CNTNAP3: variants seen among roughly 807,000 people sequenced by gnomAD.
CNTNAP3 encodes the protein contactin-associated protein-like 3.
In CNTNAP3, 36 loss-of-function variants were observed where a neutral mutation model predicts 92.1. The ratio of observed to expected loss-of-function variants is 0.39; its 90% CI spans 0.30 to 0.52. The LOEUF is 0.52. CNTNAP3 is among the 20% of genes least tolerant of loss of function. The pLI is 0.76. For missense variants in CNTNAP3, 534 were observed against 1,069.6 expected (o/e 0.50, Z 6.98); for synonymous variants, 232 against 422.3 (o/e 0.55, Z 5.53).
In CNTNAP3 at chr9:39,068,856, C is replaced by T. The variant is rs1412391941; in HGVS notation, c.*5034G>A. On this transcript the variant is annotated 3_prime_UTR_variant, in exon 24 of 24. Transcript: ENST00000297668. ...TTCCTGTCTTTCAGGGATTACATTC[C>T]GTGCCTCATGTCCAGTGTACTGAAA... Among the ~76,000 whole-genome samples the T allele has an allele frequency of 1.3e-5, 2 of 152,424 alleles. No individual in the cohort carries two copies. Among genetic ancestry groups the T allele is most frequent in the South Asian group, 2.1e-4 (1 of 4,834 alleles).
chr9:39,098,143 T>C (rs1564072071), intron 18 of CNTNAP3, among the ~76,000 whole-genome samples: 2 of 146,624 alleles, frequency 1.4e-5, no homozygotes, highest in Non-Finnish European at 3.0e-5. Context: ...AAATTTACTG[T>C]CTGGATAGAA....
At chr9:39,086,514 A>C (rs1399593334) in intron 20 of CNTNAP3, 3 of 698,304 alleles carry the variant, frequency 4.3e-6, no homozygotes, top group South Asian at 2.8e-5. Context: ...TTGCATTGCT[A>C]AACAAACAAA....
chr9:39,086,218 C>T lies in CNTNAP3; in HGVS notation c.3355-395G>A, dbSNP rs143223935. ...ATACAGTATATTTTCCTTCCAATGC[C>T]GATGACAATGTGTAATTTACTTCCT... On this transcript the variant is annotated intron_variant, in intron 20 of 23. Transcript: ENST00000297668. 866 of 257,206 alleles carry T rather than the reference C, an allele frequency of 3.4e-3. 7 individuals are homozygous for T. The highest frequency in any genetic ancestry group is 0.018 in the African/African-American group (796 of 43,942). The allele number at this position is 257,206 out of a possible 1,614,324, so 15.9% of individuals were successfully genotyped here. A position where few individuals can be genotyped will look rare whatever the true frequency, so the allele number is the denominator to read the frequency against.
Position 39,279,493 on chromosome 9 carries a change from C to T in CNTNAP3, c.85+8487G>A, listed in dbSNP as rs1330569429. On this transcript the variant is annotated intron_variant, in intron 1 of 23. Coordinates refer to ENST00000297668, the MANE Select transcript of CNTNAP3 (RefSeq NM_033655.5). ...TCATGCTGCTATAAAGACACATGCACACGTATGTTTATTGCAGCACTATTC... is the reference window on the plus strand; with the variant it reads ...TCATGCTGCTATAAAGACACATGCATACGTATGTTTATTGCAGCACTATTC... Among the ~76,000 whole-genome samples, 4 of 4,982 alleles carry T rather than the reference C, an allele frequency of 8.0e-4. 2 individuals carry two copies. Among genetic ancestry groups the T allele is most frequent in the Admixed American group, 9.7e-3 (2 of 206 alleles). 3.3% of individuals were successfully genotyped at this position (4,982 alleles called of 152,430 possible). A position where few individuals can be genotyped will look rare whatever the true frequency, so the allele number is the denominator to read the frequency against.
intron 13 of CNTNAP3, among the ~76,000 whole-genome samples, chr9:39,119,309 C>G (rs993050412): frequency 2.7e-5 from 4 of 146,374 alleles, no homozygotes; most frequent in Non-Finnish European, 5.9e-5. Context: ...TAGATAAGAT[C>G]TCTGCATTCA....
At chr9:39,105,726 G>A (rs1033361126) in intron 15 of CNTNAP3, among the ~76,000 whole-genome samples, 21 of 151,934 alleles carry the variant, frequency 1.4e-4, no homozygotes, top group Non-Finnish European at 1.5e-5. Flanking sequence ...TCAAGGAGTC[G>A]TGGTTTCTTT....
chr9:39,109,236 C>A lies in CNTNAP3; in HGVS notation c.2289G>T (p.Gln763His). 6.2e-7 allele frequency: 1 copy of A among 1,612,778 alleles called. No individual in the cohort carries two copies. The highest frequency in any genetic ancestry group is 8.5e-7 in the Non-Finnish European group (1 of 1,179,798). ...GTCGGCCTGCGTCTGTCATCACAAT[C>A]TGAGTGACTGGCAGGTGCTCCTTTT... ...LSQKEHLPVT[Q>H]IVMTDAGRPH... Residue 763 changes from glutamine (Q) to histidine (H), a missense_variant, in exon 15 of 24, where the codon CAG (glutamine) becomes CAT (histidine). Coordinates refer to ENST00000297668, the MANE Select transcript of CNTNAP3 (RefSeq NM_033655.5).
chr9:39,115,334 C>T (rs936263766), intron 14 of CNTNAP3, among the ~76,000 whole-genome samples: 2 of 151,892 alleles, frequency 1.3e-5, no homozygotes, highest in Non-Finnish European at 2.9e-5. Context: ...GTAATAAAGA[C>T]TAAGATTTAT....
intron 14 of CNTNAP3, among the ~76,000 whole-genome samples, chr9:39,113,511 T>A (rs1468563029): frequency 2.6e-5 from 4 of 151,600 alleles, no homozygotes; most frequent in Non-Finnish European, 4.4e-5. Context: ...TTTTTCCTGA[T>A]ATTTCTTTAT....
At chr9:39,097,732 G>A (rs1270833269) in intron 18 of CNTNAP3, among the ~76,000 whole-genome samples, 3 of 144,608 alleles carry the variant, frequency 2.1e-5, no homozygotes, top group South Asian at 2.3e-4. Flanking sequence ...TGGAGCTTCC[G>A]TCATACTGAG....
intron 10 of CNTNAP3, among the ~76,000 whole-genome samples, chr9:39,147,431 C>T (rs1821729740): frequency 6.6e-6 from 1 of 152,084 alleles, no homozygotes; most frequent in African/African-American, 2.4e-5. Context: ...TTTTGTGTCC[C>T]CAAAGTTTTC....
intron 13 of CNTNAP3, among the ~76,000 whole-genome samples, chr9:39,121,639 A>C (rs553331763): frequency 3.9e-5 from 6 of 152,262 alleles, no homozygotes; most frequent in Non-Finnish European, 8.8e-5. Flanking sequence ...ATTGATGGAT[A>C]CTGAGCAAGG....
chr9:39,083,322 AT>A (rs766996541), intron 21 of CNTNAP3, among the ~76,000 whole-genome samples: 116 of 151,960 alleles, frequency 7.6e-4, no homozygotes, highest in Non-Finnish European at 1.2e-3. Flanking sequence ...GGCATCTTCC[AT>A]TTTTGCACTC....
At position 39,065,804 on chromosome 9, in the gene CNTNAP3, T is replaced by C. The variant is rs1278063791; in HGVS notation, c.*8086A>G. Among the ~76,000 whole-genome samples the C allele has an allele frequency of 6.6e-6, 1 of 152,202 alleles. No individual in the cohort carries two copies. Among genetic ancestry groups the C allele is most frequent in the Non-Finnish European group, 1.5e-5 (1 of 68,028 alleles). On this transcript the variant is annotated 3_prime_UTR_variant, in exon 24 of 24. Coordinates refer to ENST00000297668, the MANE Select transcript of CNTNAP3 (RefSeq NM_033655.5). ...TCTTATATTCATTATTTTCATTTTA[T>C]TTTTGCTAATTATTGAGTTGTTAAG...
intron 18 of CNTNAP3, among the ~76,000 whole-genome samples, chr9:39,098,616 CT>C (rs1826379862): frequency 6.6e-6 from 1 of 152,272 alleles, no homozygotes; most frequent in South Asian, 2.1e-4. Context: ...GGAGTGGTTA[CT>C]CCTGATGTTG....
intron 10 of CNTNAP3, among the ~76,000 whole-genome samples, chr9:39,147,588 C>G (rs1405937350): frequency 1.3e-5 from 2 of 152,106 alleles, no homozygotes; most frequent in African/African-American, 2.4e-5. Flanking sequence ...TCTTAAAACC[C>G]TTATCTGCAA....
At position 39,109,167 on chromosome 9, in the gene CNTNAP3, G is replaced by A. The variant is rs369254131; in HGVS notation, c.2358C>T (p.Arg786=). The A allele has an allele frequency of 1.5e-5, 24 of 1,612,388 alleles. No homozygotes were observed. Among genetic ancestry groups the A allele is most frequent in the Non-Finnish European group, 1.7e-5 (20 of 1,179,642 alleles). The change falls in exon 15 of 24, where the codon CGC becomes CGT. Residue 786 remains arginine (R), a synonymous_variant. Transcript: ENST00000297668. ...AAYTLGPLLC[R]GDQSFWNSAS... is the part of the protein sequence containing the mutation. Reference sequence around the variant, plus strand: ...TTTCTTGACACTACTTACGATCTCCGCGGCAGAGCAGTGGCCCCAGTGTAT... The same window carrying A: ...TTTCTTGACACTACTTACGATCTCCACGGCAGAGCAGTGGCCCCAGTGTAT...
chr9:39,094,511 T>C (rs1268738042), intron 18 of CNTNAP3, among the ~76,000 whole-genome samples: 1 of 151,600 alleles, frequency 6.6e-6, no homozygotes, highest in African/African-American at 2.4e-5. Flanking sequence ...TTTAAAACTT[T>C]GATTCATTTT....
chr9:39,076,729 G>C (rs962617729), intron 23 of CNTNAP3, among the ~76,000 whole-genome samples: 5 of 152,310 alleles, frequency 3.3e-5, no homozygotes, highest in African/African-American at 1.2e-4. Context: ...AGCACTTTGG[G>C]AGGCCAAGGT....
Sources: allele counts gnomAD v4.1 joint callset (sites outside exome capture counted in the v4.1 genomes callset), GRCh38; gene constraint gnomAD v4.1.1; transcripts MANE v1.5; gene names NCBI Gene and HGNC (gene_info 2026-07-23, HGNC 2026-07-21).